Variants in NUP58 observed in about 807,000 individuals in gnomAD.
NUP58 encodes nucleoporin p58/p45.
A neutral mutation model predicts 70.1 loss-of-function variants in NUP58; 17 were observed. The observed-to-expected ratio is 0.24, with a 90% CI of 0.17 to 0.36. The LOEUF (loss-of-function observed/expected upper bound fraction) is 0.36. NUP58 is among the 10% of genes least tolerant of loss of function. The probability of loss-of-function intolerance (pLI) is 1.00; values close to 1 mark genes in which losing one functional copy is unlikely to be tolerated. For synonymous variants in NUP58, 275 were observed against 257.6 expected, an observed-to-expected ratio of 1.07 and a Z score of -0.65; for missense variants, 644 against 701.5, an observed-to-expected ratio of 0.92 and a Z score of 0.93.
In NUP58 at chr13:25,338,832, C is replaced by T. The variant is rs1035186599; in HGVS notation, c.1630+101C>T. 5.4e-6 allele frequency: 5 copies of T among 927,042 alleles called. No homozygotes were observed. In the African/African-American group the frequency reaches 8.3e-5, roughly 15 times the overall value. The allele number at this position is 927,042 out of a possible 1,614,324, so 57.4% of individuals were successfully genotyped here. A position where few individuals can be genotyped will look rare whatever the true frequency, so the allele number is the denominator to read the frequency against. On this transcript the variant is annotated intron_variant, in intron 15 of 15. Coordinates refer to ENST00000381736, the MANE Select transcript of NUP58 (RefSeq NM_014089.4). ...TTCCAGTAACCCAAAAAGTTCCCTCCCTGATTCAGTTTTTACTCCCTGGAT... is the reference window on the plus strand; with the variant it reads ...TTCCAGTAACCCAAAAAGTTCCCTCTCTGATTCAGTTTTTACTCCCTGGAT...
intron 9 of NUP58, among the ~76,000 whole-genome samples, chr13:25,324,183 G>A (rs1352876034): frequency 6.6e-6 from 1 of 152,126 alleles, no homozygotes; most frequent in Non-Finnish European, 1.5e-5. Flanking sequence ...CCTGAGTTGA[G>A]TGAAAAGGAT....
intron 2 of NUP58, among the ~76,000 whole-genome samples, chr13:25,308,516 TCTC>T (rs1477240778): frequency 1.3e-5 from 2 of 150,948 alleles, no homozygotes; most frequent in African/African-American, 4.9e-5. Context: ...AGAGAAGAGG[TCTC>T]CTCCTGGTCT....
intron 13 of NUP58, chr13:25,334,808 G>A: frequency 1.0e-6 from 1 of 984,734 alleles, no homozygotes; most frequent in Non-Finnish European, 1.2e-6. Flanking sequence ...TTTGTTGTGT[G>A]TGAATATATT....
intron 3 of NUP58, among the ~76,000 whole-genome samples, chr13:25,347,580 A>G (rs1001267527): frequency 6.6e-6 from 1 of 152,132 alleles, no homozygotes; most frequent in Non-Finnish European, 1.5e-5. Context: ...CTTTCACTTC[A>G]TTTTTGGTTT....
chr13:25,308,058 A>C lies in NUP58; in HGVS notation c.250+110A>C, dbSNP rs753567941. ...TCATCACTGGTAGTAGACCTTAAAA[A>C]ATGGTAAATGCTAAGATGAAAAGAA... On this transcript the variant is annotated intron_variant, in intron 2 of 15. Transcript: ENST00000381736. 223 of 1,232,516 alleles carry C rather than the reference A, an allele frequency of 1.8e-4. 3 individuals are homozygous for C. The highest frequency in any genetic ancestry group is 3.3e-4 in the Admixed American group (13 of 38,908). The allele number at this position is 1,232,516 out of a possible 1,614,324, so 76.3% of individuals were successfully genotyped here.
chr13:25,321,210 G>A lies in NUP58; in HGVS notation c.951+117G>A, dbSNP rs948498191. 3.4e-5 allele frequency: 28 copies of A among 816,202 alleles called. No individual in the cohort carries two copies. In the Admixed American group the frequency reaches 6.0e-4, roughly 17 times the overall value. The allele number at this position is 816,202 out of a possible 1,614,324, so 50.6% of individuals were successfully genotyped here. ...TTATGAAATTTGATACATGCATACC[G>A]GTAGAAAACCAGATAACTCATATAC... On this transcript the variant is annotated intron_variant, in intron 9 of 15. Transcript: ENST00000381736.
Position 25,332,931 on chromosome 13 carries a change from A to G in NUP58, c.1435+1373A>G, listed in dbSNP as rs1342325373. The G allele has an allele frequency of 1.3e-5, 13 of 985,354 alleles. No homozygotes were observed. The Admixed American group carries it at 1.8e-4, about 14-fold the overall frequency. The allele number at this position is 985,354 out of a possible 1,614,324, so 61.0% of individuals were successfully genotyped here. The stretch of plus-strand genomic sequence containing the variant: ...AGTTAATCAAACCAACCATAGTACT[A>G]GTTTACTTTTTAGAGCCAGTATTAA... On this transcript the variant is annotated intron_variant, in intron 13 of 15. Coordinates refer to ENST00000381736, the MANE Select transcript of NUP58 (RefSeq NM_014089.4).
chr13:25,320,879 G>T (rs1196305883), intron 8 of NUP58, 40 bp from the exon 9 acceptor site: 3 of 1,303,404 alleles, frequency 2.3e-6, no homozygotes, highest in African/African-American at 1.5e-5. Flanking sequence ...GGAAACCAAA[G>T]ATACATTTTT....
chr13:25,317,404 C>G (rs1244031910), intron 6 of NUP58, among the ~76,000 whole-genome samples: 1 of 151,998 alleles, frequency 6.6e-6, no homozygotes, highest in Non-Finnish European at 1.5e-5. Context: ...TTCAGGAAGG[C>G]AAGAATTGTC....
In NUP58 at chr13:25,307,891, A is replaced by T; in HGVS notation, c.193A>T (p.Thr65Ser). 1.2e-6 allele frequency: 2 copies of T among 1,614,148 alleles called. No individual in the cohort carries two copies. The highest frequency in any genetic ancestry group is 1.7e-6 in the Non-Finnish European group (2 of 1,180,014). The change falls in exon 2 of 16, where the codon ACC becomes TCC. Residue 65 changes from threonine (T) to serine (S), a missense_variant. Transcript: ENST00000381736. ...ATCTGCTCCTTCAAGTGGTTTTGGAACCGGGCTCTTTGGATCTAAACCTGC... is the reference window on the plus strand; with the variant it reads ...ATCTGCTCCTTCAAGTGGTTTTGGATCCGGGCTCTTTGGATCTAAACCTGC... ...TTSAPSSGFG[T>S]GLFGSKPATG...
intron 11 of NUP58, 52 bp from the exon 12 acceptor site, chr13:25,327,378 T>C (rs2031436129): frequency 8.6e-7 from 1 of 1,159,530 alleles, no homozygotes; most frequent in Non-Finnish European, 1.2e-6. Flanking sequence ...ATAAAATGGA[T>C]TGTGCTATAT....
chr13:25,310,178 TACAGGCACATACCACA>T (rs1458675567), intron 3 of NUP58, among the ~76,000 whole-genome samples: 1 of 148,016 alleles, frequency 6.8e-6, no homozygotes, highest in Non-Finnish European at 1.5e-5. Flanking sequence ...TAGCTAGGAC[TACAGGCACATACCACA>T]ACCCTTGGCT....
intron 2 of NUP58, among the ~76,000 whole-genome samples, chr13:25,308,727 G>A (rs2030505981): frequency 6.6e-6 from 1 of 152,134 alleles, no homozygotes; most frequent in African/African-American, 2.4e-5. Flanking sequence ...TTTGTTTTTA[G>A]TACAGCTGGA....
chr13:25,329,451 C>T (rs573488966), intron 12 of NUP58, among the ~76,000 whole-genome samples: 1 of 152,052 alleles, frequency 6.6e-6, no homozygotes, highest in South Asian at 2.1e-4. Flanking sequence ...ACAGTGAGAC[C>T]AAGACCACAT....
In NUP58 at chr13:25,327,776, A is replaced by G. The variant is rs1461710131; in HGVS notation, c.1233+264A>G. On this transcript the variant is annotated intron_variant, in intron 12 of 15. Coordinates refer to ENST00000381736, the MANE Select transcript of NUP58 (RefSeq NM_014089.4). ...TGAATAACTTTCTATGTTAATACAC[A>G]TATTTCCTGAATATCATTTTTAATA... Among the ~76,000 whole-genome samples the G allele has an allele frequency of 3.9e-5, 6 of 152,190 alleles. No individual in the cohort carries two copies. The East Asian group carries it at 1.2e-3, about 29-fold the overall frequency.
chr13:25,311,868 G>A (rs956500555), intron 3 of NUP58, among the ~76,000 whole-genome samples: 1 of 152,106 alleles, frequency 6.6e-6, no homozygotes, highest in Non-Finnish European at 1.5e-5. Context: ...GTAACTAATG[G>A]AGTACAGGAG....
chr13:25,331,755 A>T (rs2031614151), intron 13 of NUP58, 197 bp downstream of exon 13: 3 of 1,408,912 alleles, frequency 2.1e-6, no homozygotes. Context: ...ATAATTATAC[A>T]TCAATTAGAT....
At chr13:25,302,230 G>T (rs1215398635) in intron 1 of NUP58, among the ~76,000 whole-genome samples, 1 of 152,246 alleles carries the variant, frequency 6.6e-6, no homozygotes, top group East Asian at 1.9e-4. Context: ...AATGAACATT[G>T]AATGAATGAA....
intron 2 of NUP58, among the ~76,000 whole-genome samples, chr13:25,308,576 G>A (rs1450688578): frequency 6.6e-6 from 1 of 151,800 alleles, no homozygotes; most frequent in Admixed American, 6.6e-5. Flanking sequence ...CTCTCAGAGT[G>A]CTGGGATTAT....
Sources: gnomAD v4.1 joint callset for allele counts (sites outside exome capture counted in the v4.1 genomes callset) on GRCh38, gnomAD v4.1.1 for gene constraint, MANE v1.5 for transcripts, NCBI Gene and HGNC (gene_info 2026-07-23, HGNC 2026-07-21) for gene names.